DNAJC9: variants seen among roughly 807,000 people sequenced by gnomAD.
DNAJC9 encodes DnaJ heat shock protein family (Hsp40) member C9.
A neutral mutation model predicts 32.4 loss-of-function variants in DNAJC9; 18 were observed. That is an observed-to-expected ratio of 0.56 (90% confidence interval 0.38 to 0.82). The LOEUF is 0.82. Ranked by LOEUF, DNAJC9 falls within the 40% of genes least tolerant of loss-of-function variation. DNAJC9 has a pLI of 0.00. For synonymous variants in DNAJC9, 113 were observed against 122.1 expected, an observed-to-expected ratio of 0.93 and a Z score of 0.49; for missense variants, 310 against 321.8, an observed-to-expected ratio of 0.96 and a Z score of 0.28.
At chr10:73,237,185 A>C (rs566883121), downstream of DNAJC9, among the ~76,000 whole-genome samples, 1 of 152,308 alleles carries the variant, frequency 6.6e-6, no homozygotes, top group South Asian at 2.1e-4. Flanking sequence ...CACAAGTTCC[A>C]GGTGGACATA....
downstream of DNAJC9, among the ~76,000 whole-genome samples, chr10:73,239,827 A>G (rs1034596273): frequency 1.3e-5 from 2 of 152,254 alleles, no homozygotes; most frequent in South Asian, 2.1e-4. Context: ...AAGAAATTCT[A>G]AACCATCAGG....
At position 73,242,029 on chromosome 10, in the gene DNAJC9, T is replaced by C. The variant is rs907046682; in HGVS notation, c.*1371A>G. On this transcript the variant is annotated 3_prime_UTR_variant, in exon 5 of 5. Coordinates refer to ENST00000372950, the MANE Select transcript of DNAJC9 (RefSeq NM_015190.5). ...ATTGTCATGCCAGTTTTAGATCTTA[T>C]TAATTTTCAGAATGGATAAATTCAA... 1 of 152,224 alleles carries C rather than the reference T, an allele frequency of 6.6e-6. No individual in the cohort carries two copies. The highest frequency in any genetic ancestry group is 2.4e-5 in the African/African-American group (1 of 41,460). The allele number at this position is 152,224 out of a possible 1,614,324, so 9.4% of individuals were successfully genotyped here.
chr10:73,233,828 A>G (rs1423807560), downstream of DNAJC9, among the ~76,000 whole-genome samples: 1 of 152,248 alleles, frequency 6.6e-6, no homozygotes, highest in Non-Finnish European at 1.5e-5. Context: ...TCACTCCAAA[A>G]TAATAGTTAA....
chr10:73,243,434 C>T lies in DNAJC9; in HGVS notation c.749G>A (p.Gly250Glu). ...TTCTTTCTTGAGAGCAGATTTTTTC[C>T]CTCCTCCTTTGGAAGATTTGCAGTA... is the stretch of plus-strand genomic sequence containing the variant. ...AKYCKSSKGG[G>E]KKSALKKEKK is the part of the protein sequence containing the mutation. Residue 250 changes from glycine (G) to glutamate (E), a missense_variant, in exon 5 of 5, where the codon GGG becomes GAG. Transcript: ENST00000372950. 1.9e-6 allele frequency: 3 copies of T among 1,613,860 alleles called. No individual in the cohort carries two copies. The highest frequency in any genetic ancestry group is 2.2e-5 in the East Asian group (1 of 44,864).
intron 3 of DNAJC9, chr10:73,244,401 G>GGAGGC (rs2043984758): frequency 6.5e-6 from 1 of 153,360 alleles, no homozygotes; most frequent in Admixed American, 6.5e-5. Flanking sequence ...GGAGGCTGAG[G>GGAGGC]TGGGAAGATG....
In DNAJC9 at chr10:73,247,064, T is replaced by G; in HGVS notation, c.126A>C (p.Val42=). Residue 42 remains valine, a synonymous_variant, in exon 1 of 5, where the codon GTA becomes GTC. Coordinates refer to ENST00000372950, the MANE Select transcript of DNAJC9 (RefSeq NM_015190.5). ...RRGYHKVSLQ[V]HPDRVGEGDK... ...CGCCCTCACCCACCCGGTCCGGGTG[T>G]ACCTGCAGGGACACCTTGTGGTAGC... The G allele has an allele frequency of 1.3e-6, 2 of 1,585,796 alleles. No homozygotes were observed.
rs1416886207 is a variant in DNAJC9 at position 73,242,692 on chromosome 10, T to C, written c.*708A>G. 6.6e-6 allele frequency: 1 copy of C among 152,224 alleles called. No homozygotes were observed. Among genetic ancestry groups the C allele is most frequent in the Non-Finnish European group, 1.5e-5 (1 of 68,034 alleles). 9.4% of individuals were successfully genotyped at this position (152,224 alleles called of 1,614,324 possible). A position where few individuals can be genotyped will look rare whatever the true frequency, so the allele number is the denominator to read the frequency against. On this transcript the variant is annotated 3_prime_UTR_variant, in exon 5 of 5. Coordinates refer to ENST00000372950, the MANE Select transcript of DNAJC9 (RefSeq NM_015190.5). ...CAGGACTACAACATACATCTCTTCATGCTAGGGAAACCAGGCTCTCTATTA... is the reference window on the plus strand; with the variant it reads ...CAGGACTACAACATACATCTCTTCACGCTAGGGAAACCAGGCTCTCTATTA...
chr10:73,246,656 A>T (rs767965393), intron 2 of DNAJC9, 32 bp downstream of exon 2: 12 of 1,611,672 alleles, frequency 7.4e-6, no homozygotes, highest in Non-Finnish European at 1.0e-5. Flanking sequence ...AATGATGGTA[A>T]CAGTCACAAA....
chr10:73,246,622 C>A, intron 2 of DNAJC9, 66 bp downstream of exon 2: 1 of 1,550,966 alleles, frequency 6.4e-7, no homozygotes, highest in South Asian at 1.1e-5. Context: ...ATCTTAGAGG[C>A]AGTCAATAAA....
At chr10:73,234,018 C>T (rs1274067086), downstream of DNAJC9, 3 of 152,170 alleles carry the variant, frequency 2.0e-5, no homozygotes, top group Non-Finnish European at 4.4e-5. Context: ...CACTCTGAGC[C>T]TCATCATGCA....
At chr10:73,237,190 G>C (rs534299511), downstream of DNAJC9, among the ~76,000 whole-genome samples, 1 of 152,288 alleles carries the variant, frequency 6.6e-6, no homozygotes, top group South Asian at 2.1e-4. Context: ...GTTCCAGGTG[G>C]ACATAAATTT....
At position 73,245,834 on chromosome 10, in the gene DNAJC9, G is replaced by A. The variant is rs1438834668; in HGVS notation, c.576+88C>T. 7 of 1,519,802 alleles carry A rather than the reference G, an allele frequency of 4.6e-6. No homozygotes were observed. In the East Asian group the frequency reaches 1.6e-4, roughly 34 times the overall value. The allele number at this position is 1,519,802 out of a possible 1,614,324, so 94.1% of individuals were successfully genotyped here. On this transcript the variant is annotated intron_variant, in intron 3 of 4. Transcript: ENST00000372950. ...GTTAACCCTAGTCCTTATTTCTGGA[G>A]TTTTATGTTTACTTCTACTGCTGTA...
chr10:73,235,267 G>C, downstream of DNAJC9: 2 of 1,552,072 alleles, frequency 1.3e-6, no homozygotes, highest in South Asian at 1.2e-5. Context: ...CACAAGAAAG[G>C]CTCCTTTTGC....
downstream of DNAJC9, chr10:73,241,080 GTCA>G: frequency 1.1e-6 from 1 of 921,618 alleles, no homozygotes; most frequent in Non-Finnish European, 1.7e-6. Context: ...GCAGTATTCA[GTCA>G]TCAAGTGATG....
chr10:73,245,826 T>C (rs889876505), intron 3 of DNAJC9, 96 bp downstream of exon 3: 1 of 1,478,600 alleles, frequency 6.8e-7, no homozygotes, highest in Non-Finnish European at 9.2e-7. Flanking sequence ...CTAGTCCTTA[T>C]TTCTGGAGTT....
intron 2 of DNAJC9, among the ~76,000 whole-genome samples, chr10:73,233,555 G>A (rs1045700861): frequency 6.6e-6 from 1 of 152,084 alleles, no homozygotes; most frequent in Admixed American, 6.6e-5. Flanking sequence ...TGTTGCCCAG[G>A]CTGGTTTCAA....
At chr10:73,241,000 G>T (rs563864481), downstream of DNAJC9, 1 of 1,541,634 alleles carries the variant, frequency 6.5e-7, no homozygotes, top group Non-Finnish European at 8.8e-7. Flanking sequence ...CCAGTCTCTC[G>T]AACCAGGCAG....
downstream of DNAJC9, chr10:73,235,342 T>C (rs1271399137): frequency 2.6e-6 from 4 of 1,550,826 alleles, no homozygotes; most frequent in Non-Finnish European, 3.5e-6. Context: ...CTTCCTAGAA[T>C]GGTCTTGATA....
In DNAJC9 at chr10:73,243,512, T is replaced by C. The variant is rs2043976398; in HGVS notation, c.671A>G (p.Gln224Arg). The C allele has an allele frequency of 1.2e-6, 2 of 1,614,194 alleles. No individual in the cohort carries two copies. The part of the protein sequence containing the change: ...DSLKAAIQSR[Q>R]KDRQKEMDNF... Reference sequence around the variant, plus strand: ...GTCCATTTCCTTTTGCCGATCCTTTTGTCTGCTCTGTTTGAGAAGTTAAAA... The same window carrying C: ...GTCCATTTCCTTTTGCCGATCCTTTCGTCTGCTCTGTTTGAGAAGTTAAAA... Residue 224 changes from glutamine (Q) to arginine (R), a missense_variant, in exon 5 of 5, where the codon CAA becomes CGA. Gln to Arg is a conservative substitution (Grantham distance 43). Transcript: ENST00000372950.
Sources: allele counts gnomAD v4.1 joint callset (sites outside exome capture counted in the v4.1 genomes callset), GRCh38; gene constraint gnomAD v4.1.1; transcripts MANE v1.5; gene names NCBI Gene and HGNC (gene_info 2026-07-23, HGNC 2026-07-21).